MTPAP: variants seen among roughly 807,000 people sequenced by gnomAD.
MTPAP encodes the protein poly(A) RNA polymerase, mitochondrial.
A neutral mutation model predicts 48.7 loss-of-function variants in MTPAP; 23 were observed. That is an observed-to-expected ratio of 0.47 (90% confidence interval 0.34 to 0.67). MTPAP has a LOEUF of 0.67. Among genes scored for constraint, MTPAP ranks in the 30% least tolerant of loss-of-function variants. The pLI is 0.01. For synonymous variants in MTPAP, 257 were observed against 254.1 expected, an observed-to-expected ratio of 1.01 and a Z score of -0.11; for missense variants, 614 against 694.3, an observed-to-expected ratio of 0.88 and a Z score of 1.30.
At chr10:30,334,575 C>A (rs1834707134) in intron 4 of MTPAP, among the ~76,000 whole-genome samples, 1 of 151,952 alleles carries the variant, frequency 6.6e-6, no homozygotes, top group South Asian at 2.1e-4. Context: ...GCAGGAGAAT[C>A]ACTTGAACCC....
chr10:30,343,157 C>T (rs1834830579), intron 1 of MTPAP, among the ~76,000 whole-genome samples: 1 of 152,066 alleles, frequency 6.6e-6, no homozygotes, highest in Non-Finnish European at 1.5e-5. Flanking sequence ...GATATCAATA[C>T]CCTTAACAAG....
chr10:30,317,160 T>C (rs1840673242), intron 6 of MTPAP, among the ~76,000 whole-genome samples: 1 of 152,226 alleles, frequency 6.6e-6, no homozygotes, highest in Admixed American at 6.5e-5. Flanking sequence ...TAATTTAGCA[T>C]ACTAGAATTA....
intron 5 of MTPAP, among the ~76,000 whole-genome samples, chr10:30,323,548 C>T (rs1840752977): frequency 2.0e-5 from 3 of 152,024 alleles, no homozygotes; most frequent in South Asian, 2.1e-4. Context: ...CTCGCTCTGT[C>T]GCCCAGGCTA....
intron 3 of MTPAP, among the ~76,000 whole-genome samples, chr10:30,339,347 TGTG>T (rs1481053100): frequency 2.0e-5 from 3 of 151,520 alleles, no homozygotes; most frequent in African/African-American, 7.3e-5. Context: ...GTTAGCTGGG[TGTG>T]GTGGTGCACA....
Position 30,310,772 on chromosome 10 carries a change from G to A in MTPAP, c.*2837C>T, listed in dbSNP as rs112634765. On this transcript the variant is annotated 3_prime_UTR_variant, in exon 9 of 9. Transcript: ENST00000263063. The stretch of plus-strand genomic sequence containing the variant: ...AAATTAGCTAGGCATGGTGGCAGGC[G>A]CCTGTAATCCCAGTTACTTGGGAGG... 417 of 151,860 alleles carry A rather than the reference G, an allele frequency of 2.7e-3. No individual in the cohort carries two copies. Among genetic ancestry groups the A allele is most frequent in the South Asian group, 6.0e-3 (29 of 4,810 alleles). The allele number at this position is 151,860 out of a possible 1,614,324, so 9.4% of individuals were successfully genotyped here.
In MTPAP at chr10:30,310,469, C is replaced by T. The variant is rs1377511725; in HGVS notation, c.*3140G>A. 6.6e-6 allele frequency: 1 copy of T among 151,364 alleles called. No individual in the cohort carries two copies. Among genetic ancestry groups the T allele is most frequent in the Admixed American group, 6.6e-5 (1 of 15,120 alleles). 9.4% of individuals were successfully genotyped at this position (151,364 alleles called of 1,614,324 possible). On this transcript the variant is annotated 3_prime_UTR_variant, in exon 9 of 9. Transcript: ENST00000263063. ...GGTGTGGTGGCATGCACCTGTAATC[C>T]CAGCTACTCAGGAGGCTGAGGCAGA...
Position 30,311,370 on chromosome 10 carries a change from TTC to T in MTPAP, c.*2237_*2238del, listed in dbSNP as rs1840590596. ...TATCCCATGCAGAACCCATTATAAT[TTC>T]TGACATAAAATTTAAATGGGAAAAA... On this transcript the variant is annotated 3_prime_UTR_variant, in exon 9 of 9. Transcript: ENST00000263063. 2 of 152,290 alleles carry T rather than the reference TTC, an allele frequency of 1.3e-5. No homozygotes were observed. Among genetic ancestry groups the T allele is most frequent in the South Asian group, 4.1e-4 (2 of 4,824 alleles). 9.4% of individuals were successfully genotyped at this position (152,290 alleles called of 1,614,324 possible).
rs1355488108 is a variant in MTPAP, at chr10:30,310,579, C to T, written c.*3030G>A. The T allele has an allele frequency of 1.3e-5, 1 of 75,616 alleles. No individual in the cohort carries two copies. The highest frequency in any genetic ancestry group is 2.3e-5 in the Non-Finnish European group (1 of 42,666). 4.7% of individuals were successfully genotyped at this position (75,616 alleles called of 1,614,324 possible). The stretch of plus-strand genomic sequence containing the variant: ...GCCTGGGTGACAGAGGGAGACCCAT[C>T]TCAAAAAAAAAAAAAAAAAAGGGTC... On this transcript the variant is annotated 3_prime_UTR_variant, in exon 9 of 9. Coordinates refer to ENST00000263063, the MANE Select transcript of MTPAP (RefSeq NM_018109.4).
rs34708356 is a variant in MTPAP at position 30,347,897 on chromosome 10, GA to G, written c.157+1221del. ...CAGAGCAAGACTTCGTCCCGAAAAAGAAAAAAAAAAAACAGTGGGTTTTTTA... is the reference window on the plus strand; with the variant it reads ...CAGAGCAAGACTTCGTCCCGAAAAAGAAAAAAAAAAACAGTGGGTTTTTTA... On this transcript the variant is annotated intron_variant, in intron 1 of 8. Coordinates refer to ENST00000263063, the MANE Select transcript of MTPAP (RefSeq NM_018109.4). Among the ~76,000 whole-genome samples the G allele has an allele frequency of 5.3e-3, 804 of 150,482 alleles. 15 individuals are homozygous for G. The highest frequency in any genetic ancestry group is 0.018 in the African/African-American group (744 of 40,982).
At chr10:30,343,356 C>T (rs905205614) in intron 1 of MTPAP, among the ~76,000 whole-genome samples, 5 of 148,488 alleles carry the variant, frequency 3.4e-5, no homozygotes, top group East Asian at 4.0e-4. Context: ...TGCAGTGATC[C>T]GAGATTGCAC....
At chr10:30,326,018 T>G (rs1834591640) in intron 5 of MTPAP, among the ~76,000 whole-genome samples, 1 of 152,136 alleles carries the variant, frequency 6.6e-6, no homozygotes, top group Non-Finnish European at 1.5e-5. Context: ...AGTTGGTATT[T>G]TATTTTCTAA....
intron 3 of MTPAP, among the ~76,000 whole-genome samples, chr10:30,337,284 C>T (rs1237268357): frequency 2.6e-5 from 4 of 152,006 alleles, no homozygotes; most frequent in East Asian, 1.9e-4. Flanking sequence ...ATAAGCCGGG[C>T]GTGGTGGCGC....
rs1230898806 is a variant in MTPAP at position 30,315,978 on chromosome 10, G to A, written c.1371C>T (p.Ser457=). 6.3e-7 allele frequency: 1 copy of A among 1,599,062 alleles called. No individual in the cohort carries two copies. The change falls in exon 8 of 9, where the codon TCC becomes TCT. Residue 457 remains serine (S), a synonymous_variant. Coordinates refer to ENST00000263063, the MANE Select transcript of MTPAP (RefSeq NM_018109.4). ...CATTATTTACCTGTCGAATATTTATGGAATTTTTATCGAAAGCAAAATTGC... is the reference window on the plus strand; with the variant it reads ...CATTATTTACCTGTCGAATATTTATAGAATTTTTATCGAAAGCAAAATTGC... ...YFGNFAFDKN[S]INIRQGREQN... is the part of the protein sequence containing the mutation.
At chr10:30,340,029 G>C in intron 3 of MTPAP, 197 bp downstream of exon 3, 1 of 598,738 alleles carries the variant, frequency 1.7e-6, no homozygotes, top group South Asian at 2.0e-5. Context: ...TTCTTAGAAA[G>C]CTAGAAATAG....
At chr10:30,342,797 G>A (rs1244390203) in intron 1 of MTPAP, among the ~76,000 whole-genome samples, 1 of 152,052 alleles carries the variant, frequency 6.6e-6, no homozygotes, top group Admixed American at 6.6e-5. Flanking sequence ...TCTGTATCAG[G>A]GAAATCAAAG....
intron 5 of MTPAP, among the ~76,000 whole-genome samples, chr10:30,323,312 C>T (rs896390534): frequency 2.0e-5 from 3 of 150,554 alleles, no homozygotes; most frequent in Admixed American, 6.6e-5. Context: ...ATTAGCTGGG[C>T]GTGGTGGCGC....
intron 6 of MTPAP, among the ~76,000 whole-genome samples, chr10:30,320,927 T>C (rs1476667710): frequency 6.6e-6 from 1 of 152,198 alleles, no homozygotes; most frequent in Non-Finnish European, 1.5e-5. Flanking sequence ...TAAGCACCAC[T>C]GCACACAGCA....
At chr10:30,329,513 C>T (rs923072681) in intron 4 of MTPAP, among the ~76,000 whole-genome samples, 2 of 152,102 alleles carry the variant, frequency 1.3e-5, no homozygotes, top group Admixed American at 1.3e-4. Flanking sequence ...TCATTACAGG[C>T]ATGAAGCACT....
Position 30,312,569 on chromosome 10 carries a change from C to CAAAAAAA in MTPAP, c.*1033_*1039dup, listed in dbSNP as rs61386643. The CAAAAAAA allele has an allele frequency of 4.7e-4, 40 of 85,538 alleles. No individual in the cohort carries two copies. Among genetic ancestry groups the CAAAAAAA allele is most frequent in the Non-Finnish European group, 7.1e-4 (29 of 40,802 alleles). The allele number at this position is 85,538 out of a possible 1,614,324, so 5.3% of individuals were successfully genotyped here. Reference sequence around the variant, plus strand: ...TGGGCGACAGAGCGAGACTCTGTCTCAAAAAAAAAAAAAAAAAAAAAAGAA... The same window carrying CAAAAAAA: ...TGGGCGACAGAGCGAGACTCTGTCTCAAAAAAAAAAAAAAAAAAAAAAAAAAAAAGAA... On this transcript the variant is annotated 3_prime_UTR_variant, in exon 9 of 9. Coordinates refer to ENST00000263063, the MANE Select transcript of MTPAP (RefSeq NM_018109.4).
Sources: gnomAD v4.1 joint callset for allele counts (sites outside exome capture counted in the v4.1 genomes callset) on GRCh38, gnomAD v4.1.1 for gene constraint, MANE v1.5 for transcripts, NCBI Gene and HGNC (gene_info 2026-07-23, HGNC 2026-07-21) for gene names.